Variants in LYZL4 observed in about 807,000 individuals in gnomAD.
The protein encoded by LYZL4 is lysozyme like 4.
A neutral mutation model predicts 17.6 loss-of-function variants in LYZL4; 13 were observed. The observed-to-expected ratio is 0.74, with a 90% CI of 0.48 to 1.18. The LOEUF (loss-of-function observed/expected upper bound fraction) is 1.18. Among genes scored for constraint, LYZL4 ranks in the 50% most tolerant of loss-of-function variants. The probability of loss-of-function intolerance (pLI) is 0.00; values close to 1 mark genes in which losing one functional copy is unlikely to be tolerated. For missense variants in LYZL4, 174 were observed against 188.2 expected, an observed-to-expected ratio of 0.92 and a Z score of 0.44; for synonymous variants, 64 against 67.7, an observed-to-expected ratio of 0.95 and a Z score of 0.27.
At chr3:42,370,261 C>T in the LYZL4 span, among the ~76,000 whole-genome samples, 1 of 151,916 alleles carries the variant, frequency 6.6e-6, no homozygotes, top group South Asian at 2.1e-4. Flanking sequence ...CCTTGAAACC[C>T]CACCCCCTTC....
intron 1 of LYZL4, among the ~76,000 whole-genome samples, chr3:42,408,315 T>G (rs1698798967): frequency 6.6e-6 from 1 of 152,190 alleles, no homozygotes; most frequent in South Asian, 2.1e-4. Context: ...ATCTATTAAG[T>G]AAACTCAGAA....
chr3:42,374,958 C>T, the LYZL4 span, among the ~76,000 whole-genome samples: 1 of 152,026 alleles, frequency 6.6e-6, no homozygotes, highest in South Asian at 2.1e-4. Flanking sequence ...TAAAGGGGTG[C>T]ACCACCATAC....
the LYZL4 span, among the ~76,000 whole-genome samples, chr3:42,368,375 T>C: frequency 1.2e-3 from 186 of 152,320 alleles, no homozygotes; most frequent in African/African-American, 4.3e-3. Flanking sequence ...TGTAAAGAAT[T>C]GCTGAGATAC....
At chr3:42,361,421 C>T in the LYZL4 span, among the ~76,000 whole-genome samples, 29 of 152,086 alleles carry the variant, frequency 1.9e-4, no homozygotes, top group Admixed American at 1.5e-3. Flanking sequence ...GTAGGAAGGA[C>T]AGAAGAGAGG....
At chr3:42,369,579 C>A in the LYZL4 span, among the ~76,000 whole-genome samples, 2 of 152,152 alleles carry the variant, frequency 1.3e-5, no homozygotes, top group African/African-American at 4.8e-5. Context: ...TAGCAGGATG[C>A]AGTCGCCAAG....
chr3:42,404,027 A>G lies in LYZL4; in HGVS notation c.371+19T>C, dbSNP rs1232273494. The G allele has an allele frequency of 1.9e-6, 3 of 1,558,020 alleles. No individual in the cohort carries two copies. Among genetic ancestry groups the G allele is most frequent in the African/African-American group, 1.4e-5 (1 of 73,588 alleles). On this transcript the variant is annotated intron_variant, in intron 4 of 4. Transcript: ENST00000287748. ...AGTGAAAGTCGTTAATACAGGCTAC[A>G]TAAAAATGTAAGACTTACCATGCTC...
chr3:42,397,326 C>A lies in LYZL4; in HGVS notation c.380G>T (p.Trp127Leu). ...GKEGMGAWPT[W>L]SRYCQYSDTL... ...ATCGGAGTACTGGCAGTACCGGGAC[C>A]AGGTGGGCCTGTGGAGAGAAGTGAA... The change falls in exon 5 of 5, where the codon TGG (tryptophan) becomes TTG (leucine). Residue 127 changes from tryptophan (W) to leucine (L), a missense_variant. By Grantham distance (61) the Trp-to-Leu change is moderately conservative. Coordinates refer to ENST00000287748, the MANE Select transcript of LYZL4 (RefSeq NM_144634.4). The A allele has an allele frequency of 6.4e-7, 1 of 1,572,502 alleles. No homozygotes were observed. The highest frequency in any genetic ancestry group is 8.6e-7 in the Non-Finnish European group (1 of 1,158,400).
intron 1 of LYZL4, among the ~76,000 whole-genome samples, chr3:42,408,614 A>G (rs533659741): frequency 6.1e-4 from 93 of 152,170 alleles, no homozygotes; most frequent in Non-Finnish European, 1.2e-3. Flanking sequence ...TCCTCAGACT[A>G]GAATGTGCAA....
At chr3:42,386,840 A>G in the LYZL4 span, among the ~76,000 whole-genome samples, 1 of 152,224 alleles carries the variant, frequency 6.6e-6, no homozygotes, top group African/African-American at 2.4e-5. Flanking sequence ...TTTGCTTCAA[A>G]ATAATCTTAT....
At chr3:42,385,650 G>A in the LYZL4 span, among the ~76,000 whole-genome samples, 1 of 152,060 alleles carries the variant, frequency 6.6e-6, no homozygotes, top group African/African-American at 2.4e-5. Context: ...GGGATTATGG[G>A]GACCACAAAG....
At chr3:42,379,216 T>C in the LYZL4 span, among the ~76,000 whole-genome samples, 1 of 152,196 alleles carries the variant, frequency 6.6e-6, no homozygotes, top group Non-Finnish European at 1.5e-5. Flanking sequence ...ACTTCCAAAC[T>C]GCCTCACTCA....
chr3:42,368,415 G>A, the LYZL4 span, among the ~76,000 whole-genome samples: 24 of 152,256 alleles, frequency 1.6e-4, no homozygotes, highest in East Asian at 2.5e-3. Flanking sequence ...GAACGTTTTA[G>A]AACATCCAGC....
the LYZL4 span, among the ~76,000 whole-genome samples, chr3:42,364,114 G>C: frequency 1.4e-3 from 209 of 152,240 alleles, no homozygotes; most frequent in African/African-American, 4.8e-3. Flanking sequence ...TATCTCCCCT[G>C]GGAGGCAGTC....
At chr3:42,381,964 A>T in the LYZL4 span, among the ~76,000 whole-genome samples, 1 of 152,176 alleles carries the variant, frequency 6.6e-6, no homozygotes, top group African/African-American at 2.4e-5. Context: ...AGGGGGAAAA[A>T]CATCCTAGGG....
At chr3:42,395,017 G>C (rs185983747), downstream of LYZL4, among the ~76,000 whole-genome samples, 11 of 152,226 alleles carry the variant, frequency 7.2e-5, no homozygotes. Context: ...GATCTCAACT[G>C]CAAGTGCCAC....
the LYZL4 span, among the ~76,000 whole-genome samples, chr3:42,372,714 G>T: frequency 6.6e-6 from 1 of 152,182 alleles, no homozygotes; most frequent in East Asian, 1.9e-4. Flanking sequence ...AGCACAACTT[G>T]CTCTTTGCAA....
At chr3:42,365,537 G>T in the LYZL4 span, among the ~76,000 whole-genome samples, 1 of 152,160 alleles carries the variant, frequency 6.6e-6, no homozygotes. Flanking sequence ...TGAGAGGCTA[G>T]AGTGCAAATC....
the LYZL4 span, among the ~76,000 whole-genome samples, chr3:42,362,815 C>T: frequency 6.6e-6 from 1 of 152,118 alleles, no homozygotes; most frequent in Non-Finnish European, 1.5e-5. Context: ...AAAGTATCAC[C>T]CCATAGATTA....
At chr3:42,383,916 T>C in the LYZL4 span, among the ~76,000 whole-genome samples, 3 of 152,206 alleles carry the variant, frequency 2.0e-5, no homozygotes, top group South Asian at 6.2e-4. Flanking sequence ...TAATGGGAAT[T>C]CCAGGGAGAA....
Sources: allele counts gnomAD v4.1 joint callset (sites outside exome capture counted in the v4.1 genomes callset), GRCh38; gene constraint gnomAD v4.1.1; transcripts MANE v1.5; gene names NCBI Gene and HGNC (gene_info 2026-07-23, HGNC 2026-07-21).